Variants in PHC2 observed in about 807,000 individuals in gnomAD.
The protein encoded by PHC2 is polyhomeotic homolog 2.
A neutral mutation model predicts 87.4 loss-of-function variants in PHC2; 29 were observed. The ratio of observed to expected loss-of-function variants is 0.33; its 90% CI spans 0.25 to 0.45. PHC2 has a LOEUF of 0.45. Ranked by LOEUF, PHC2 falls within the 20% of genes least tolerant of loss-of-function variation. The pLI is 1.00. For missense variants in PHC2, 857 were observed against 1,136.7 expected, an observed-to-expected ratio of 0.75 and a Z score of 3.54; for synonymous variants, 438 against 461.7, an observed-to-expected ratio of 0.95 and a Z score of 0.66.
chr1:33,340,640 G>A (rs1419892991), intron 9 of PHC2, among the ~76,000 whole-genome samples: 1 of 152,172 alleles, frequency 6.6e-6, no homozygotes, highest in Non-Finnish European at 1.5e-5. Flanking sequence ...TGAAAGTGAG[G>A]AAGGCAAGAG....
At chr1:33,404,273 A>G (rs951208496) in intron 1 of PHC2, among the ~76,000 whole-genome samples, 1 of 152,210 alleles carries the variant, frequency 6.6e-6, no homozygotes, top group African/African-American at 2.4e-5. Context: ...ATAGAATAAA[A>G]TAACTCACTT....
At chr1:33,347,506 A>G (rs1377458235) in intron 9 of PHC2, 1 of 985,320 alleles carries the variant, frequency 1.0e-6, no homozygotes, top group Non-Finnish European at 1.2e-6. Flanking sequence ...AGGTGGGGAC[A>G]TGATGAAACA....
At chr1:33,410,140 G>C (rs955217885) in intron 1 of PHC2, among the ~76,000 whole-genome samples, 1 of 152,148 alleles carries the variant, frequency 6.6e-6, no homozygotes, top group African/African-American at 2.4e-5. Context: ...GAATGAGCTG[G>C]AATTTCCAGG....
intron 1 of PHC2, among the ~76,000 whole-genome samples, chr1:33,393,463 G>GTTTTTTTTTTTTTTT (rs36030279): frequency 4.6e-5 from 6 of 131,048 alleles, no homozygotes; most frequent in African/African-American, 5.8e-5. Flanking sequence ...TTTTCAAGAG[G>GTTTTTTTTTTTTTTT]TTTTTTTTTT....
At chr1:33,383,843 C>G (rs530278718) in intron 1 of PHC2, among the ~76,000 whole-genome samples, 78 of 152,308 alleles carry the variant, frequency 5.1e-4, no homozygotes, top group Admixed American at 5.1e-3. Context: ...TGGAGCTATG[C>G]TGCCACCAGC....
In PHC2 at chr1:33,355,033, G is replaced by A. The variant is rs1170094439; in HGVS notation, c.1197C>T (p.Gly399=). 1 of 1,613,818 alleles carries A rather than the reference G, an allele frequency of 6.2e-7. No homozygotes were observed. Among genetic ancestry groups the A allele is most frequent in the Admixed American group, 1.7e-5 (1 of 60,000 alleles). ...PSSEAHAMPL[G]PVTPALPLQC... ...GGAGTGGCAGGGCGGGTGTAACCGGGCCTAGTGGCATGGCATGGGCCTCTG... is the reference window on the plus strand; with the variant it reads ...GGAGTGGCAGGGCGGGTGTAACCGGACCTAGTGGCATGGCATGGGCCTCTG... Residue 399 remains glycine, a synonymous_variant, in exon 8 of 15, where the codon GGC becomes GGT. Transcript: ENST00000683057.
intron 1 of PHC2, among the ~76,000 whole-genome samples, chr1:33,421,617 G>T (rs893309786): frequency 6.6e-6 from 1 of 152,160 alleles, no homozygotes; most frequent in Non-Finnish European, 1.5e-5. Flanking sequence ...GACAAGAGAA[G>T]CTGAAAACTC....
rs1177813941 is a variant in PHC2 at position 33,324,249 on chromosome 1, C to G, written c.*616G>C. 6.6e-6 allele frequency: 1 copy of G among 152,590 alleles called. No individual in the cohort carries two copies. The highest frequency in any genetic ancestry group is 1.9e-4 in the East Asian group (1 of 5,194). The allele number at this position is 152,590 out of a possible 1,614,324, so 9.5% of individuals were successfully genotyped here. A position where few individuals can be genotyped will look rare whatever the true frequency, so the allele number is the denominator to read the frequency against. On this transcript the variant is annotated 3_prime_UTR_variant, in exon 15 of 15. Transcript: ENST00000683057. ...TGCCAGAGAGTAGCCCTTGGCCTAT[C>G]TGTCAGTCCAGGCTCCCACACAGTC...
intron 1 of PHC2, among the ~76,000 whole-genome samples, chr1:33,405,471 G>A (rs10157574): frequency 0.21 from 31,896 of 152,072 alleles, 5,675 homozygotes; most frequent in African/African-American, 0.49. Context: ...GATTACAGGC[G>A]TGAACCACTA....
chr1:33,406,319 GTA>G (rs1312910984), intron 1 of PHC2, among the ~76,000 whole-genome samples: 2 of 151,854 alleles, frequency 1.3e-5, no homozygotes, highest in Admixed American at 1.3e-4. Context: ...CTTACTTTTG[GTA>G]TATATTTTCT....
At chr1:33,372,520 T>G in intron 2 of PHC2, 73 bp from the exon 3 acceptor site, 4 of 1,353,458 alleles carry the variant, frequency 3.0e-6, no homozygotes, top group Non-Finnish European at 2.0e-6. Context: ...AGTAATGCCT[T>G]GCCCACCCCA....
At chr1:33,329,286 C>T (rs1646437781) in intron 13 of PHC2, 140 bp from the exon 14 acceptor site, 5 of 779,450 alleles carry the variant, frequency 6.4e-6, no homozygotes, top group Non-Finnish European at 6.1e-6. Flanking sequence ...ATCTTCCATG[C>T]TGTCCTGTCT....
intron 1 of PHC2, among the ~76,000 whole-genome samples, chr1:33,426,319 G>GT (rs1356547378): frequency 2.9e-5 from 3 of 102,438 alleles, no homozygotes; most frequent in Non-Finnish European, 5.2e-5. Flanking sequence ...AAAGCTGCTG[G>GT]GGGGGGGTCC....
At chr1:33,390,275 G>A (rs1038191424) in intron 1 of PHC2, among the ~76,000 whole-genome samples, 3 of 152,138 alleles carry the variant, frequency 2.0e-5, no homozygotes, top group African/African-American at 7.2e-5. Flanking sequence ...TAAGCTTTTT[G>A]CTTATTTTTA....
At chr1:33,346,830 A>G in intron 9 of PHC2, 1 of 985,360 alleles carries the variant, frequency 1.0e-6, no homozygotes, top group Non-Finnish European at 1.2e-6. Context: ...ACACATTCAC[A>G]ATAGAGAAAA....
intron 1 of PHC2, among the ~76,000 whole-genome samples, chr1:33,386,191 C>G (rs1463811596): frequency 6.6e-6 from 1 of 151,892 alleles, no homozygotes; most frequent in African/African-American, 2.4e-5. Flanking sequence ...ATAGAAATCT[C>G]AGTACCAAGG....
At chr1:33,387,910 C>A (rs946341503) in intron 1 of PHC2, among the ~76,000 whole-genome samples, 1 of 152,230 alleles carries the variant, frequency 6.6e-6, no homozygotes, top group African/African-American at 2.4e-5. Flanking sequence ...TCAGGCCCTG[C>A]CTGGTATCCC....
At chr1:33,360,517 G>A (rs968332130) in intron 7 of PHC2, among the ~76,000 whole-genome samples, 7 of 152,330 alleles carry the variant, frequency 4.6e-5, no homozygotes, top group African/African-American at 1.7e-4. Context: ...TTGACTTGCT[G>A]TTCTGTAAAT....
chr1:33,425,581 T>C (rs755428039), intron 1 of PHC2, among the ~76,000 whole-genome samples: 14 of 152,258 alleles, frequency 9.2e-5, no homozygotes, highest in Non-Finnish European at 1.8e-4. Context: ...GGAAGATTAC[T>C]AATTCTTAAA....
Sources: allele counts gnomAD v4.1 joint callset (sites outside exome capture counted in the v4.1 genomes callset), GRCh38; gene constraint gnomAD v4.1.1; transcripts MANE v1.5; gene names NCBI Gene and HGNC (gene_info 2026-07-23, HGNC 2026-07-21).